Variants in PLEKHA6 observed in about 807,000 individuals in gnomAD.
The protein encoded by PLEKHA6 is pleckstrin homology domain containing A6, also known as pleckstrin homology domain-containing family A member 6.
Under a neutral mutation model 116.7 loss-of-function variants are expected in PLEKHA6, and 60 were observed. That is an observed-to-expected ratio of 0.51 (90% CI 0.42 to 0.64). The LOEUF (loss-of-function observed/expected upper bound fraction) is 0.64, where lower values mean the gene tolerates loss of function less well. PLEKHA6 is among the 30% of genes least tolerant of loss of function. The probability of loss-of-function intolerance (pLI) is 0.00; values close to 1 mark genes in which losing one functional copy is unlikely to be tolerated. For missense variants in PLEKHA6, 1,338 were observed against 1,422.7 expected (o/e 0.94, Z 0.96); for synonymous variants, 489 against 556.1 (o/e 0.88, Z 1.70).
intron 18 of PLEKHA6, among the ~76,000 whole-genome samples, chr1:204,230,109 CTA>C (rs1660953272): frequency 6.6e-6 from 1 of 152,210 alleles, no homozygotes; most frequent in African/African-American, 2.4e-5. Flanking sequence ...TAAGTGACAG[CTA>C]TTTCTGTGTG....
rs112040540 is a variant in PLEKHA6 at position 204,376,692 on chromosome 1, C to T, written c.83+891G>A. ...GTGGTTTTCTCTTAGACCGGTACTT[C>T]AATATCTCTGGACCTCAGTTCCCCA... On this transcript the variant is annotated intron_variant, in intron 1 of 4. Transcript: ENST00000564627. Among the ~76,000 whole-genome samples, 353 of 152,260 alleles carry T rather than the reference C, an allele frequency of 2.3e-3. 1 individual carries two copies. The highest frequency in any genetic ancestry group is 8.1e-3 in the African/African-American group (338 of 41,544).
intron 13 of PLEKHA6, 42 bp downstream of exon 13, chr1:204,247,323 A>T: frequency 8.2e-7 from 1 of 1,226,694 alleles, no homozygotes; most frequent in Non-Finnish European, 1.2e-6. Context: ...CCTCATCTTT[A>T]GTCACATCCC....
chr1:204,303,429 C>T (rs1228905201), intron 1 of PLEKHA6, among the ~76,000 whole-genome samples: 3 of 152,154 alleles, frequency 2.0e-5, no homozygotes, highest in African/African-American at 7.2e-5. Flanking sequence ...TGGGTATCTG[C>T]TTTTAGGAAA....
chr1:204,361,847 G>A (rs1304414462), upstream of PLEKHA6, among the ~76,000 whole-genome samples: 1 of 152,144 alleles, frequency 6.6e-6, no homozygotes, highest in Admixed American at 6.5e-5. Flanking sequence ...AAGGAGTGGA[G>A]GCAAGAGATT....
intron 9 of PLEKHA6, among the ~76,000 whole-genome samples, chr1:204,256,442 C>T (rs1313887928): frequency 6.6e-6 from 1 of 152,202 alleles, no homozygotes; most frequent in South Asian, 2.1e-4. Flanking sequence ...AATAACTATG[C>T]TTCAGGGGAA....
At chr1:204,250,458 A>G in intron 10 of PLEKHA6, 88 bp downstream of exon 10, 1 of 884,700 alleles carries the variant, frequency 1.1e-6, no homozygotes, top group Non-Finnish European at 1.9e-6. Flanking sequence ...CCCGCAGAGG[A>G]AGAGAGATGG....
Position 204,219,841 on chromosome 1 carries a change from T to G in PLEKHA6, c.*2947A>C, listed in dbSNP as rs1255900566. On this transcript the variant is annotated 3_prime_UTR_variant, in exon 23 of 23. Coordinates refer to ENST00000272203, the MANE Select transcript of PLEKHA6 (RefSeq NM_014935.5). ...GCCTGCTGGGGTAAAGTCCCGGGGGTTTCTTGGGTGAGGTTGAGATGCCAC... is the reference window on the plus strand; with the variant it reads ...GCCTGCTGGGGTAAAGTCCCGGGGGGTTCTTGGGTGAGGTTGAGATGCCAC... 2 of 151,460 alleles carry G rather than the reference T, an allele frequency of 1.3e-5. No homozygotes were observed. Among genetic ancestry groups the G allele is most frequent in the Non-Finnish European group, 2.9e-5 (2 of 67,902 alleles). 9.4% of individuals were successfully genotyped at this position (151,460 alleles called of 1,614,324 possible). A position where few individuals can be genotyped will look rare whatever the true frequency, so the allele number is the denominator to read the frequency against.
intron 15 of PLEKHA6, chr1:204,243,331 G>A (rs1357565355): frequency 5.0e-6 from 2 of 399,446 alleles, no homozygotes; most frequent in African/African-American, 4.1e-5. Flanking sequence ...GGAGAAAAGA[G>A]CGTTAGCAGG....
Position 204,257,023 on chromosome 1 carries a change from C to T in PLEKHA6, c.1524+330G>A, listed in dbSNP as rs920254956. The T allele has an allele frequency of 5.0e-5, 29 of 585,756 alleles. No homozygotes were observed. Among genetic ancestry groups the T allele is most frequent in the Non-Finnish European group, 8.5e-5 (28 of 329,826 alleles). The allele number at this position is 585,756 out of a possible 1,614,324, so 36.3% of individuals were successfully genotyped here. On this transcript the variant is annotated intron_variant, in intron 9 of 22. Transcript: ENST00000272203. The surrounding 1 kb of genome is among the most constrained non-coding windows in gnomAD (Gnocchi z 6.5). ...CCAAACTGAAATGGACAGCAGCCCC[C>T]CTTGCAATGATCTGTCCAGGTCCTC...
At chr1:204,273,490 T>G in intron 3 of PLEKHA6, 136 bp downstream of exon 3, 2 of 664,520 alleles carry the variant, frequency 3.0e-6, no homozygotes, top group Non-Finnish European at 5.4e-6. Context: ...ACTCTCTTCC[T>G]GGGTCACCTT....
At chr1:204,264,015 G>T (rs759721657) in intron 6 of PLEKHA6, among the ~76,000 whole-genome samples, 4 of 152,144 alleles carry the variant, frequency 2.6e-5, no homozygotes, top group Non-Finnish European at 5.9e-5. Context: ...GGAAGGGACA[G>T]AGTCCCTTCT....
intron 1 of PLEKHA6, among the ~76,000 whole-genome samples, chr1:204,302,842 C>T (rs1415129671): frequency 1.3e-5 from 2 of 152,070 alleles, no homozygotes; most frequent in Non-Finnish European, 1.5e-5. Context: ...AGCCATTGCA[C>T]TCCAGCCTGG....
At chr1:204,274,874 T>C in intron 1 of PLEKHA6, 65 bp from the exon 2 acceptor site, 4 of 984,740 alleles carry the variant, frequency 4.1e-6, no homozygotes, top group Non-Finnish European at 4.8e-6. Context: ...AGCCAATGCG[T>C]GGACAGACCC....
At chr1:204,347,861 TA>T (rs751952481) in intron 1 of PLEKHA6, among the ~76,000 whole-genome samples, 40 of 152,074 alleles carry the variant, frequency 2.6e-4, no homozygotes, top group Admixed American at 1.1e-3. Context: ...GGGGTTCCTA[TA>T]AGAAAGATAC....
intron 16 of PLEKHA6, 82 bp downstream of exon 16, chr1:204,241,603 G>A: frequency 6.8e-7 from 1 of 1,470,672 alleles, no homozygotes; most frequent in Non-Finnish European, 9.1e-7. Flanking sequence ...TGTGGCACCA[G>A]GTTTTGGGTG....
chr1:204,237,933 C>A (rs1662291582), intron 17 of PLEKHA6, among the ~76,000 whole-genome samples: 1 of 152,168 alleles, frequency 6.6e-6, no homozygotes, highest in African/African-American at 2.4e-5. Context: ...GGAAATAAAT[C>A]CGACTAAAAT....
chr1:204,328,442 G>A (rs1471123156), intron 1 of PLEKHA6, among the ~76,000 whole-genome samples: 10 of 147,938 alleles, frequency 6.8e-5, no homozygotes, highest in Non-Finnish European at 1.2e-4. Context: ...TGTTGCCCAC[G>A]CTGGAGTGCG....
chr1:204,273,899 C>G (rs147995159), intron 2 of PLEKHA6, among the ~76,000 whole-genome samples, 159 bp from the exon 3 acceptor site: 2 of 152,228 alleles, frequency 1.3e-5, no homozygotes, highest in African/African-American at 4.8e-5. Context: ...ACTCCTTTAG[C>G]CTTTCTGAAA....
chr1:204,244,322 T>A (rs1470491027), intron 15 of PLEKHA6, among the ~76,000 whole-genome samples: 17 of 140,846 alleles, frequency 1.2e-4, no homozygotes, highest in Admixed American at 1.4e-4. Flanking sequence ...TTTTTTTTTT[T>A]AGTAAAGATG....
Sources: gnomAD v4.1 joint callset for allele counts (sites outside exome capture counted in the v4.1 genomes callset) on GRCh38, gnomAD v4.1.1 for gene constraint, Gnocchi (gnomAD v3.1) non-coding constraint, MANE v1.5 for transcripts, NCBI Gene and HGNC (gene_info 2026-07-23, HGNC 2026-07-21) for gene names.